Variants in IL15 observed in about 807,000 individuals in gnomAD.
The protein encoded by IL15 is interleukin-15.
In IL15, 11 loss-of-function variants were observed where a neutral mutation model predicts 19.6. The ratio of observed to expected loss-of-function variants is 0.56; its 90% CI spans 0.35 to 0.93. The LOEUF (loss-of-function observed/expected upper bound fraction) is 0.93. Among genes scored for constraint, IL15 ranks in the 40% least tolerant of loss-of-function variants. IL15 has a pLI of 0.01. For missense variants in IL15, 197 were observed against 186.5 expected, an observed-to-expected ratio of 1.06 and a Z score of -0.33; for synonymous variants, 58 against 59.6, an observed-to-expected ratio of 0.97 and a Z score of 0.12.
At chr4:141,688,322 C>CG (rs1728775646) in intron 2 of IL15, among the ~76,000 whole-genome samples, 1 of 152,170 alleles carries the variant, frequency 6.6e-6, no homozygotes, top group East Asian at 1.9e-4. Flanking sequence ...TTAGAGACCA[C>CG]TACCTGAAGC....
At chr4:141,674,450 G>A (rs1285777290) in intron 2 of IL15, among the ~76,000 whole-genome samples, 3 of 152,172 alleles carry the variant, frequency 2.0e-5, no homozygotes, top group Non-Finnish European at 4.4e-5. Flanking sequence ...GCCGGATGTG[G>A]TGGCACCTGC....
At position 141,720,542 on chromosome 4, in the gene IL15, C is replaced by A; in HGVS notation, c.86C>A (p.Ala29Asp). 1 of 1,576,668 alleles carries A rather than the reference C, an allele frequency of 6.3e-7. No individual in the cohort carries two copies. Among genetic ancestry groups the A allele is most frequent in the Middle Eastern group, 1.7e-4 (1 of 5,980 alleles). Residue 29 changes from alanine (A) to aspartate (D), a missense_variant, in exon 4 of 8, where the codon GCT becomes GAT. Physicochemically the swap from Ala to Asp is moderately radical, Grantham distance 126 (BLOSUM62 -2). Coordinates refer to ENST00000320650, the MANE Select transcript of IL15 (RefSeq NM_000585.5). ...CTAAACAGTCATTTTCTAACTGAAG[C>A]TGGCATTCATGTCTTCATTTTGGGG... is the stretch of plus-strand genomic sequence containing the variant. Reference protein sequence around the residue: ...LLLNSHFLTEAGIHVFILGCF... With the variant: ...LLLNSHFLTEDGIHVFILGCF...
At position 141,656,812 on chromosome 4, in the gene IL15, A is replaced by G. The variant is rs1168913897; in HGVS notation, c.-100+505A>G. 2.0e-5 allele frequency among the ~76,000 whole-genome samples: 3 copies of G among 152,200 alleles called. No homozygotes were observed. The East Asian group carries it at 5.8e-4, about 29-fold the overall frequency. ...TGCTTAAAATTAAATAATAAGTGTA[A>G]TCAAACTATCTAATTTTTGAATGAG... On this transcript the variant is annotated intron_variant, in intron 2 of 7. Coordinates refer to ENST00000320650, the MANE Select transcript of IL15 (RefSeq NM_000585.5).
At chr4:141,699,845 G>C (rs1729225245) in intron 2 of IL15, among the ~76,000 whole-genome samples, 1 of 152,086 alleles carries the variant, frequency 6.6e-6, no homozygotes, top group Non-Finnish European at 1.5e-5. Flanking sequence ...GTGAAGTACT[G>C]TTCTATTCAT....
chr4:141,702,640 A>G (rs965475211), intron 2 of IL15, among the ~76,000 whole-genome samples: 3 of 152,168 alleles, frequency 2.0e-5, no homozygotes, highest in Non-Finnish European at 2.9e-5. Context: ...CCTTCCTGAG[A>G]GCAGTGATAT....
In IL15 at chr4:141,655,012, A is replaced by G. The variant is rs569290581; in HGVS notation, c.-221-1174A>G. Among the ~76,000 whole-genome samples the G allele has an allele frequency of 8.6e-4, 131 of 152,282 alleles. 2 individuals are homozygous for G. The highest frequency in any genetic ancestry group is 3.0e-3 in the African/African-American group (126 of 41,560). ...TTATTTATTCTCCTTTTAGAAGCTC[A>G]GGAAGCAAACAGGTATAGACAAACA... On this transcript the variant is annotated intron_variant, in intron 1 of 7. Coordinates refer to ENST00000320650, the MANE Select transcript of IL15 (RefSeq NM_000585.5).
intron 2 of IL15, among the ~76,000 whole-genome samples, chr4:141,672,169 T>C (rs1728197014): frequency 6.6e-6 from 1 of 152,220 alleles, no homozygotes; most frequent in African/African-American, 2.4e-5. Flanking sequence ...CAATAGGTTA[T>C]GAGTGAAGGA....
At chr4:141,655,343 T>C (rs2152158173) in intron 1 of IL15, among the ~76,000 whole-genome samples, 2 of 151,648 alleles carry the variant, frequency 1.3e-5, no homozygotes, top group East Asian at 3.9e-4. Flanking sequence ...AAGGCGGTAT[T>C]ATACAAACAT....
At chr4:141,720,699 G>A in intron 4 of IL15, 133 bp downstream of exon 4, 3 of 680,144 alleles carry the variant, frequency 4.4e-6, no homozygotes, top group South Asian at 1.7e-5. Context: ...GGGGATAGAA[G>A]GCAGACTACA....
At chr4:141,674,204 A>G (rs1728266979) in intron 2 of IL15, among the ~76,000 whole-genome samples, 1 of 152,208 alleles carries the variant, frequency 6.6e-6, no homozygotes, top group Non-Finnish European at 1.5e-5. Context: ...TTCTCAACTG[A>G]AGTGTAGCAT....
In IL15 at chr4:141,642,727, A is replaced by G. The variant is rs139553881; in HGVS notation, c.-222+5979A>G. On this transcript the variant is annotated intron_variant, in intron 1 of 7. Coordinates refer to ENST00000320650, the MANE Select transcript of IL15 (RefSeq NM_000585.5). ...GTCCTGCTCAAAATGTTAACCCTCT[A>G]TAACTTTTTCTGTCCCCACCTACTG... 1.3e-4 allele frequency among the ~76,000 whole-genome samples: 20 copies of G among 152,282 alleles called. No individual in the cohort carries two copies. In the East Asian group the frequency reaches 3.9e-3, roughly 29 times the overall value.
chr4:141,706,076 A>G (rs1729504374), intron 2 of IL15, among the ~76,000 whole-genome samples: 1 of 151,848 alleles, frequency 6.6e-6, no homozygotes. Flanking sequence ...GATAGATAAT[A>G]ACTTACTCCT....
chr4:141,717,061 C>A (rs1328541255), intron 2 of IL15: 2 of 152,038 alleles, frequency 1.3e-5, no homozygotes, highest in Non-Finnish European at 2.9e-5. Flanking sequence ...TGAAGTCACA[C>A]CCATATTTGA....
intron 5 of IL15, among the ~76,000 whole-genome samples, chr4:141,726,061 C>G (rs996940355): frequency 6.6e-6 from 1 of 152,068 alleles, no homozygotes; most frequent in African/African-American, 2.4e-5. Context: ...CATTGATACT[C>G]TAATCCATTC....
chr4:141,664,867 AC>A (rs1236125664), intron 2 of IL15, among the ~76,000 whole-genome samples: 9 of 152,138 alleles, frequency 5.9e-5, no homozygotes, highest in Non-Finnish European at 1.3e-4. Flanking sequence ...TGAATATATT[AC>A]TTTTATAGAA....
At chr4:141,659,548 T>C (rs1380161430) in intron 2 of IL15, among the ~76,000 whole-genome samples, 1 of 152,152 alleles carries the variant, frequency 6.6e-6, no homozygotes, top group East Asian at 1.9e-4. Flanking sequence ...CATTGAGGGG[T>C]TAAAAAAGAA....
chr4:141,665,232 A>C (rs1472116763), intron 2 of IL15, among the ~76,000 whole-genome samples: 1 of 152,116 alleles, frequency 6.6e-6, no homozygotes, highest in African/African-American at 2.4e-5. Flanking sequence ...TTTTTAAGAA[A>C]CATTACTATA....
chr4:141,716,892 GT>G (rs1417519413), intron 2 of IL15: 1 of 152,186 alleles, frequency 6.6e-6, no homozygotes, highest in African/African-American at 2.4e-5. Flanking sequence ...TCCCTGTTGG[GT>G]TTTGGACTTG....
chr4:141,649,569 T>G (rs754346393), intron 1 of IL15, among the ~76,000 whole-genome samples: 5 of 152,046 alleles, frequency 3.3e-5, no homozygotes, highest in Non-Finnish European at 7.4e-5. Flanking sequence ...TATTTATAGA[T>G]GAAAGCCATA....
Sources: gnomAD v4.1 joint callset for allele counts (sites outside exome capture counted in the v4.1 genomes callset) on GRCh38, gnomAD v4.1.1 for gene constraint, MANE v1.5 for transcripts, NCBI Gene and HGNC (gene_info 2026-07-23, HGNC 2026-07-21) for gene names.